Variants in IQUB observed in about 807,000 individuals in gnomAD.
IQUB encodes the protein IQ motif and ubiquitin domain containing.
In IQUB, 86 loss-of-function variants were observed where a neutral mutation model predicts 86.4. The ratio of observed to expected loss-of-function variants is 1.00; its 90% confidence interval spans 0.84 to 1.19. The LOEUF is 1.19. Ranked by LOEUF, IQUB falls within the 50% of genes most tolerant of loss-of-function variation. The pLI is 0.00. For synonymous variants in IQUB, 289 were observed against 304.5 expected, an observed-to-expected ratio of 0.95 and a Z score of 0.53; for missense variants, 946 against 916.9, an observed-to-expected ratio of 1.03 and a Z score of -0.41.
chr7:123,470,440 A>C (rs950712769), intron 8 of IQUB, among the ~76,000 whole-genome samples: 2 of 152,232 alleles, frequency 1.3e-5, no homozygotes, highest in Non-Finnish European at 1.5e-5. Flanking sequence ...CCATACTTGC[A>C]AACATTTAAA....
chr7:123,462,011 T>C (rs1794013350), intron 10 of IQUB, among the ~76,000 whole-genome samples: 1 of 151,730 alleles, frequency 6.6e-6, no homozygotes, highest in South Asian at 2.1e-4. Flanking sequence ...AACCCAATTG[T>C]TCTTCTCGTT....
At chr7:123,457,696 A>G in intron 11 of IQUB, 130 bp from the exon 12 acceptor site, 1 of 683,746 alleles carries the variant, frequency 1.5e-6, no homozygotes, top group Admixed American at 3.4e-5. Context: ...TCAATGACAC[A>G]TAGCCCCTTA....
chr7:123,458,103 G>A (rs896656101), intron 11 of IQUB: 1 of 151,824 alleles, frequency 6.6e-6, no homozygotes, highest in Non-Finnish European at 1.5e-5. Context: ...ACAGGAAGTT[G>A]AGATTTAATA....
At chr7:123,526,037 T>A (rs1276513748) in intron 1 of IQUB, among the ~76,000 whole-genome samples, 2 of 147,508 alleles carry the variant, frequency 1.4e-5, no homozygotes, top group South Asian at 2.2e-4. Flanking sequence ...AATCCTGAGT[T>A]CTAGTTTGAT....
Position 123,457,569 on chromosome 7 carries a change from G to T in IQUB, c.2008-3C>A. ...GTCAGGTACTGAATGTCTTGTAGCT[G>T]CATGTCAAAGCAAGTTTTAAAAACA... On this transcript the variant is annotated splice_polypyrimidine_tract_variant and splice_region_variant and intron_variant, in intron 11 of 12. Transcript: ENST00000324698. 6.3e-7 allele frequency: 1 copy of T among 1,591,374 alleles called. No individual in the cohort carries two copies. Among genetic ancestry groups the T allele is most frequent in the Non-Finnish European group, 8.5e-7 (1 of 1,171,870 alleles).
At chr7:123,485,904 G>C (rs1161091674) in intron 7 of IQUB, among the ~76,000 whole-genome samples, 2 of 152,194 alleles carry the variant, frequency 1.3e-5, no homozygotes, top group Non-Finnish European at 2.9e-5. Flanking sequence ...GCTGTCAAGA[G>C]AGGTTTCTGG....
chr7:123,499,520 C>T (rs1412945439), intron 6 of IQUB, among the ~76,000 whole-genome samples: 2 of 151,968 alleles, frequency 1.3e-5, no homozygotes, highest in Non-Finnish European at 2.9e-5. Context: ...CATGGACTCT[C>T]GGAAAGGGTA....
chr7:123,508,122 C>G (rs916282202), intron 3 of IQUB, among the ~76,000 whole-genome samples: 1 of 152,070 alleles, frequency 6.6e-6, no homozygotes, highest in Non-Finnish European at 1.5e-5. Context: ...GAGGAGAAGG[C>G]CATATGACAG....
intron 1 of IQUB, among the ~76,000 whole-genome samples, chr7:123,517,634 G>A (rs764753585): frequency 2.6e-5 from 4 of 150,966 alleles, no homozygotes; most frequent in Non-Finnish European, 5.9e-5. Flanking sequence ...AAAGCTGTCA[G>A]TGTCTCTTAA....
intron 1 of IQUB, among the ~76,000 whole-genome samples, chr7:123,517,036 C>A (rs1046830826): frequency 5.3e-5 from 8 of 152,068 alleles, no homozygotes; most frequent in African/African-American, 1.9e-4. Context: ...ATCCCTGTGC[C>A]CCCAAATCCC....
At chr7:123,466,580 GGAA>G (rs1794272936) in intron 9 of IQUB, among the ~76,000 whole-genome samples, 1 of 152,078 alleles carries the variant, frequency 6.6e-6, no homozygotes, top group African/African-American at 2.4e-5. Context: ...CTGTCTCCCT[GGAA>G]GAACCATTTA....
chr7:123,524,184 T>C (rs1463220873), intron 1 of IQUB, among the ~76,000 whole-genome samples: 1 of 148,496 alleles, frequency 6.7e-6, no homozygotes, highest in Non-Finnish European at 1.5e-5. Flanking sequence ...CTTGGTGATG[T>C]GGGCTCTTTT....
At chr7:123,523,073 T>G in intron 1 of IQUB, among the ~76,000 whole-genome samples, 1 of 151,288 alleles carries the variant, frequency 6.6e-6, no homozygotes, top group Non-Finnish European at 1.5e-5. Context: ...ATGGTGTATA[T>G]GTGCCACATT....
At position 123,466,017 on chromosome 7, in the gene IQUB, T is replaced by C. The variant is rs539592121; in HGVS notation, c.1582-1008A>G. Among the ~76,000 whole-genome samples the C allele has an allele frequency of 3.3e-5, 5 of 152,256 alleles. No individual in the cohort carries two copies. In the East Asian group the frequency reaches 5.8e-4, roughly 18 times the overall value. ...TCATCAAAATAACACCTATTATTTA[T>C]TGAGGCCCTCCTCTTTGTAAGGCAC... On this transcript the variant is annotated intron_variant, in intron 9 of 12. Coordinates refer to ENST00000324698, the MANE Select transcript of IQUB (RefSeq NM_178827.5).
At chr7:123,504,725 A>G (rs1335141643) in intron 3 of IQUB, among the ~76,000 whole-genome samples, 1 of 152,158 alleles carries the variant, frequency 6.6e-6, no homozygotes, top group Non-Finnish European at 1.5e-5. Context: ...AACACTGAGG[A>G]TTACAATTTG....
At position 123,503,111 on chromosome 7, in the gene IQUB, C is replaced by A; in HGVS notation, c.700G>T (p.Asp234Tyr). ...TCAACAGGTACCTGCTGGTATTGAT[C>A]AAGTCCTGAGAGATAACACCAAGAT... ...IITVTVQTGL[D>Y]QYQQVPVEIV... is the part of the protein sequence containing the mutation. Residue 234 changes from aspartate (D) to tyrosine (Y), a missense_variant, in exon 5 of 13, where the codon GAT becomes TAT. Coordinates refer to ENST00000324698, the MANE Select transcript of IQUB (RefSeq NM_178827.5). 6.2e-7 allele frequency: 1 copy of A among 1,612,176 alleles called. No individual in the cohort carries two copies. Among genetic ancestry groups the A allele is most frequent in the South Asian group, 1.1e-5 (1 of 90,850 alleles).
chr7:123,485,860 G>A (rs895083878), intron 7 of IQUB, among the ~76,000 whole-genome samples: 5 of 152,254 alleles, frequency 3.3e-5, no homozygotes, highest in East Asian at 1.9e-4. Context: ...ACAGAGAAAC[G>A]TAATCAAAAA....
chr7:123,493,003 T>C (rs1396391465), intron 7 of IQUB, among the ~76,000 whole-genome samples: 1 of 152,140 alleles, frequency 6.6e-6, no homozygotes, highest in Non-Finnish European at 1.5e-5. Flanking sequence ...CCCCTTTTGA[T>C]AGAAAACAAA....
chr7:123,457,418 T>G lies in IQUB; in HGVS notation c.2156A>C (p.Glu719Ala). The change falls in exon 12 of 13, where the codon GAA (glutamate) becomes GCA (alanine). Residue 719 changes from glutamate to alanine, a missense_variant. Physicochemically the swap from Glu to Ala is moderately radical, Grantham distance 107 (BLOSUM62 -1). Coordinates refer to ENST00000324698, the MANE Select transcript of IQUB (RefSeq NM_178827.5). ...PWNCILLTKD[E>A]AAAHLKLTSI... is the part of the protein sequence containing the mutation. ...TGTTAGCTTGAGATGAGCAGCTGCT[T>G]CATCTTTGGTAAGAAGAATGCAGTT... The G allele has an allele frequency of 6.2e-7, 1 of 1,612,408 alleles. No individual in the cohort carries two copies. The highest frequency in any genetic ancestry group is 8.5e-7 in the Non-Finnish European group (1 of 1,179,084).
Sources: allele counts gnomAD v4.1 joint callset (sites outside exome capture counted in the v4.1 genomes callset), GRCh38; gene constraint gnomAD v4.1.1; transcripts MANE v1.5; gene names NCBI Gene and HGNC (gene_info 2026-07-23, HGNC 2026-07-21).